Variants in U2SURP observed in about 807,000 individuals in gnomAD.
The protein encoded by U2SURP is U2 snRNP associated SURP domain containing.
U2SURP carries 9 observed loss-of-function variants against 144.9 expected under a neutral mutation model. The observed-to-expected ratio is 0.06, with a 90% CI of 0.04 to 0.11. U2SURP has a LOEUF of 0.11. U2SURP is among the 10% of genes least tolerant of loss of function. U2SURP has a pLI of 1.00. For synonymous variants in U2SURP, 408 were observed against 396.8 expected (o/e 1.03, Z -0.33); for missense variants, 724 against 1,226.7 (o/e 0.59, Z 6.12).
rs1560215269 is a variant in U2SURP, at chr3:143,060,211, G to A, written c.*3761G>A. 2 of 152,368 alleles carry A rather than the reference G, an allele frequency of 1.3e-5. No individual in the cohort carries two copies. Among genetic ancestry groups the A allele is most frequent in the East Asian group, 3.8e-4 (2 of 5,198 alleles). 9.4% of individuals were successfully genotyped at this position (152,368 alleles called of 1,614,324 possible). ...ATGTAATTGTGCTTGGAGTATTTGT[G>A]TTTTATTCTTTTACTTCAACGGGTT... On this transcript the variant is annotated 3_prime_UTR_variant, in exon 28 of 28. Transcript: ENST00000473835.
rs1362970684 is a variant in U2SURP, at chr3:143,001,607, C to T, written c.-22C>T. 8 of 1,613,598 alleles carry T rather than the reference C, an allele frequency of 5.0e-6. No homozygotes were observed. In the Admixed American group the frequency reaches 1.0e-4, roughly 20 times the overall value. On this transcript the variant is annotated 5_prime_UTR_variant, in exon 1 of 28. Transcript: ENST00000473835. ...GACTCGCCCGTGCTGCTGCCGCCGC[C>T]GAAGGAGGGGCAAAGCTCAAGATGG... is the stretch of plus-strand genomic sequence containing the variant.
intron 4 of U2SURP, among the ~76,000 whole-genome samples, chr3:143,014,964 T>C (rs1347248105): frequency 6.6e-6 from 1 of 152,076 alleles, no homozygotes; most frequent in Non-Finnish European, 1.5e-5. Flanking sequence ...GATATATTCT[T>C]ATAGGTGAGA....
chr3:143,038,025 A>C, intron 21 of U2SURP, 83 bp from the exon 22 acceptor site: 1 of 941,058 alleles, frequency 1.1e-6, no homozygotes, highest in Non-Finnish European at 1.5e-6. Context: ...TTTGCTTTTT[A>C]ATAATATGGT....
At chr3:143,016,465 T>C in intron 5 of U2SURP, 94 bp downstream of exon 5, 1 of 1,111,610 alleles carries the variant, frequency 9.0e-7, no homozygotes, top group Non-Finnish European at 1.3e-6. Flanking sequence ...GGTAGATAAT[T>C]ATGAAAGGAA....
At chr3:143,024,997 C>T (rs1444282150) in intron 13 of U2SURP, among the ~76,000 whole-genome samples, 1 of 151,128 alleles carries the variant, frequency 6.6e-6, no homozygotes, top group African/African-American at 2.4e-5. Context: ...CTGTTTTATT[C>T]TAATAGAAAA....
chr3:143,030,048 A>G (rs534166847), intron 16 of U2SURP, among the ~76,000 whole-genome samples: 36 of 152,254 alleles, frequency 2.4e-4, no homozygotes, highest in Non-Finnish European at 4.0e-4. Flanking sequence ...AGCCATCTTC[A>G]TAATATAAAA....
intron 23 of U2SURP, among the ~76,000 whole-genome samples, chr3:143,041,525 C>A (rs1183808915): frequency 6.6e-6 from 1 of 151,820 alleles, no homozygotes; most frequent in Non-Finnish European, 1.5e-5. Flanking sequence ...CTAGAAAGGA[C>A]CTTTGGTTGA....
In U2SURP at chr3:143,021,522, T is replaced by G; in HGVS notation, c.819T>G (p.Thr273=). ...PGSHDVGDPS[T]TNLYLGNINP... ...CACATGATGTAGGAGATCCAAGCAC[T>G]ACTAATTTATACCTTGGAAACATTA... The change falls in exon 10 of 28, where the codon ACT becomes ACG. Residue 273 remains threonine, a synonymous_variant. Transcript: ENST00000473835. 1.2e-6 allele frequency: 2 copies of G among 1,613,812 alleles called. No individual in the cohort carries two copies. The highest frequency in any genetic ancestry group is 1.7e-6 in the Non-Finnish European group (2 of 1,179,792).
intron 13 of U2SURP, chr3:143,024,517 A>T (rs750224852): frequency 6.9e-6 from 3 of 436,928 alleles, no homozygotes; most frequent in Non-Finnish European, 1.4e-5. Context: ...AACACTGGAC[A>T]TACTAGAAAC....
intron 14 of U2SURP, among the ~76,000 whole-genome samples, chr3:143,027,659 T>TA (rs1933234577): frequency 6.6e-6 from 1 of 152,220 alleles, no homozygotes; most frequent in East Asian, 1.9e-4. Flanking sequence ...TATATGTATT[T>TA]ACTATATTTT....
At chr3:143,007,658 G>A (rs1289267547) in intron 1 of U2SURP, among the ~76,000 whole-genome samples, 4 of 152,004 alleles carry the variant, frequency 2.6e-5, no homozygotes, top group Non-Finnish European at 5.9e-5. Flanking sequence ...AGCCAGGATG[G>A]TCTTGATCTC....
At position 143,032,788 on chromosome 3, in the gene U2SURP, A is replaced by C. The variant is rs761203317; in HGVS notation, c.1615A>C (p.Arg539=). The change falls in exon 17 of 28, where the codon AGG becomes CGG. Residue 539 remains arginine (R), a synonymous_variant. Coordinates refer to ENST00000473835, the MANE Select transcript of U2SURP (RefSeq NM_001080415.2). ...GTTAAAACAATTTATGTTCAGACAG[A>C]GGGATAAATTGGAAGAAATCTTGCG... is the stretch of plus-strand genomic sequence containing the variant. ...SKKGALKEEQ[R]DKLEEILRGL... 1 of 1,611,076 alleles carries C rather than the reference A, an allele frequency of 6.2e-7. No homozygotes were observed.
At chr3:143,022,023 A>G (rs1456517985) in intron 10 of U2SURP, among the ~76,000 whole-genome samples, 1 of 152,206 alleles carries the variant, frequency 6.6e-6, no homozygotes, top group Non-Finnish European at 1.5e-5. Flanking sequence ...TTGCATATAT[A>G]CTGTTACCTG....
At position 143,058,001 on chromosome 3, in the gene U2SURP, T is replaced by G. The variant is rs960795692; in HGVS notation, c.*1551T>G. On this transcript the variant is annotated 3_prime_UTR_variant, in exon 28 of 28. Coordinates refer to ENST00000473835, the MANE Select transcript of U2SURP (RefSeq NM_001080415.2). ...CAAATATTGCTTGAAAGTTATTTCCTTATTCACTGTTTTGTTAGTCCATTT... is the reference window on the plus strand; with the variant it reads ...CAAATATTGCTTGAAAGTTATTTCCGTATTCACTGTTTTGTTAGTCCATTT... 6.6e-5 allele frequency: 10 copies of G among 152,416 alleles called. No homozygotes were observed. Among genetic ancestry groups the G allele is most frequent in the Non-Finnish European group, 1.5e-4 (10 of 67,844 alleles). The allele number at this position is 152,416 out of a possible 1,614,324, so 9.4% of individuals were successfully genotyped here. A position where few individuals can be genotyped will look rare whatever the true frequency, so the allele number is the denominator to read the frequency against.
intron 5 of U2SURP, 125 bp from the exon 6 acceptor site, chr3:143,016,717 A>T: frequency 2.4e-6 from 2 of 831,384 alleles, no homozygotes; most frequent in Middle Eastern, 7.6e-4. Context: ...ATTTAATTTC[A>T]TATTTGTTAA....
At chr3:143,004,675 A>T (rs1186453152) in intron 1 of U2SURP, among the ~76,000 whole-genome samples, 1 of 147,372 alleles carries the variant, frequency 6.8e-6, no homozygotes, top group East Asian at 2.0e-4. Context: ...ATGTGTATGT[A>T]CTTGAATGAC....
intron 7 of U2SURP, 130 bp from the exon 8 acceptor site, chr3:143,020,469 G>A: frequency 1.5e-6 from 1 of 651,940 alleles, no homozygotes; most frequent in Non-Finnish European, 2.7e-6. Context: ...CTCTAATCTT[G>A]GTTATCAGTA....
intron 8 of U2SURP, among the ~76,000 whole-genome samples, chr3:143,021,024 T>A (rs902181182): frequency 6.6e-6 from 1 of 152,200 alleles, no homozygotes; most frequent in African/African-American, 2.4e-5. Context: ...AAACCCTGTC[T>A]GTACTAAAAA....
At chr3:143,047,073 G>T (rs1425005727) in intron 24 of U2SURP, among the ~76,000 whole-genome samples, 2 of 120,152 alleles carry the variant, frequency 1.7e-5, no homozygotes, top group African/African-American at 3.6e-5. Context: ...CCTCCCTGAC[G>T]GGGCGGCTGG....
Sources: allele counts gnomAD v4.1 joint callset (sites outside exome capture counted in the v4.1 genomes callset), GRCh38; gene constraint gnomAD v4.1.1; transcripts MANE v1.5; gene names NCBI Gene and HGNC (gene_info 2026-07-23, HGNC 2026-07-21).